Variants in KHDRBS2 observed in about 807,000 individuals in gnomAD.
KHDRBS2 encodes KH domain-containing, RNA-binding, signal transduction-associated protein 2.
KHDRBS2 carries 26 observed loss-of-function variants against 44.3 expected under a neutral mutation model. The observed-to-expected ratio is 0.59, with a 90% confidence interval of 0.43 to 0.81. The LOEUF (loss-of-function observed/expected upper bound fraction) is 0.81. Among genes scored for constraint, KHDRBS2 ranks in the 40% least tolerant of loss-of-function variants. The pLI is 0.00. For synonymous variants in KHDRBS2, 194 were observed against 151.1 expected (o/e 1.28, Z -2.08); for missense variants, 476 against 433.1 (o/e 1.10, Z -0.88).
intron 4 of KHDRBS2, among the ~76,000 whole-genome samples, chr6:61,922,753 C>A (rs1174817546): frequency 6.6e-6 from 1 of 152,044 alleles, no homozygotes; most frequent in Non-Finnish European, 1.5e-5. Flanking sequence ...TCAGTCTTGC[C>A]TTTAAAAAGT....
chr6:61,879,323 T>G (rs1352257117), intron 6 of KHDRBS2, among the ~76,000 whole-genome samples: 1 of 151,922 alleles, frequency 6.6e-6, no homozygotes, highest in Admixed American at 6.6e-5. Context: ...CTCTCACAAA[T>G]TATATTCTGC....
chr6:62,231,930 T>C (rs771780431), intron 1 of KHDRBS2, among the ~76,000 whole-genome samples: 1 of 152,162 alleles, frequency 6.6e-6, no homozygotes, highest in Non-Finnish European at 1.5e-5. Context: ...AAAATATTTC[T>C]TATAAACATC....
chr6:62,220,614 T>C (rs534255721), intron 1 of KHDRBS2, among the ~76,000 whole-genome samples: 1 of 151,920 alleles, frequency 6.6e-6, no homozygotes, highest in South Asian at 2.1e-4. Flanking sequence ...GAATTAACAA[T>C]TAACATTAGA....
intron 1 of KHDRBS2, among the ~76,000 whole-genome samples, chr6:62,222,963 C>T (rs1051424560): frequency 2.0e-5 from 3 of 152,150 alleles, no homozygotes; most frequent in Non-Finnish European, 4.4e-5. Flanking sequence ...ACACACGGTG[C>T]AAGCTGTCAG....
intron 6 of KHDRBS2, among the ~76,000 whole-genome samples, chr6:61,808,459 T>C (rs1787538441): frequency 2.6e-5 from 4 of 152,256 alleles, no homozygotes; most frequent in African/African-American, 9.6e-5. Flanking sequence ...TAGAAGTCAG[T>C]GTAATTACAA....
chr6:62,174,711 C>T (rs1820742532), intron 2 of KHDRBS2, among the ~76,000 whole-genome samples: 1 of 151,692 alleles, frequency 6.6e-6, no homozygotes, highest in African/African-American at 2.4e-5. Flanking sequence ...ACTGTGTCAT[C>T]ATCACATTAA....
At chr6:61,797,227 G>A (rs557025609) in intron 6 of KHDRBS2, among the ~76,000 whole-genome samples, 1 of 152,140 alleles carries the variant, frequency 6.6e-6, no homozygotes, top group South Asian at 2.1e-4. Flanking sequence ...ATTGAGTGAA[G>A]GGGAAATGCT....
rs192809197 is a variant in KHDRBS2 at position 62,201,377 on chromosome 6, A to G, written c.92-24065T>C. ...ATTTGAAAGGCATTTTGAAAGTTGT[A>G]AGAAGGGGCTGTGAATCATTTAACA... On this transcript the variant is annotated intron_variant, in intron 1 of 8. Transcript: ENST00000281156. Among the ~76,000 whole-genome samples the G allele has an allele frequency of 1.7e-3, 252 of 152,254 alleles. 1 individual carries two copies. Among genetic ancestry groups the G allele is most frequent in the Non-Finnish European group, 2.0e-3 (138 of 68,014 alleles).
chr6:61,823,682 T>G (rs1481029796), intron 6 of KHDRBS2, among the ~76,000 whole-genome samples: 1 of 152,126 alleles, frequency 6.6e-6, no homozygotes, highest in Non-Finnish European at 1.5e-5. Context: ...AATGTTGGGA[T>G]GTATTGACGA....
Position 62,131,897 on chromosome 6 carries a change from G to A in KHDRBS2, c.219+45288C>T, listed in dbSNP as rs79082728. Among the ~76,000 whole-genome samples the A allele has an allele frequency of 6.7e-3, 1,021 of 152,288 alleles. 5 individuals carry two copies. The highest frequency in any genetic ancestry group is 0.012 in the Non-Finnish European group (791 of 68,014). On this transcript the variant is annotated intron_variant, in intron 2 of 8. Transcript: ENST00000281156. ...TTTTTTGTTGGGATGTGTTCTGAAT[G>A]AGTATGTGAAAGGTTCTAACAATAT...
the KHDRBS2 span, among the ~76,000 whole-genome samples, chr6:61,641,698 C>T: frequency 1.3e-5 from 2 of 152,262 alleles, no homozygotes; most frequent in South Asian, 2.1e-4. Context: ...CACAACTGAT[C>T]TGTTTCATCT....
chr6:62,012,761 C>T (rs1270512033), intron 3 of KHDRBS2, among the ~76,000 whole-genome samples: 2 of 152,142 alleles, frequency 1.3e-5, no homozygotes, highest in East Asian at 3.9e-4. Context: ...TTCTTGACTA[C>T]TCTAACTACA....
chr6:61,962,578 T>C (rs1562536839), intron 4 of KHDRBS2, among the ~76,000 whole-genome samples: 1 of 152,110 alleles, frequency 6.6e-6, no homozygotes, highest in Non-Finnish European at 1.5e-5. Flanking sequence ...GAAGATCCAC[T>C]AACTTTTTCA....
the KHDRBS2 span, among the ~76,000 whole-genome samples, chr6:61,586,310 C>T: frequency 6.6e-6 from 1 of 152,132 alleles, no homozygotes; most frequent in Non-Finnish European, 1.5e-5. Flanking sequence ...CAGAACATTG[C>T]CCCTTTAGTG....
chr6:62,243,218 C>G (rs756766699), intron 1 of KHDRBS2, among the ~76,000 whole-genome samples: 8 of 151,936 alleles, frequency 5.3e-5, no homozygotes, highest in African/African-American at 1.2e-4. Flanking sequence ...ATGTATGTAT[C>G]TATCTATCTA....
intron 2 of KHDRBS2, among the ~76,000 whole-genome samples, chr6:62,176,131 A>G (rs1821043149): frequency 6.6e-6 from 1 of 151,376 alleles, no homozygotes; most frequent in African/African-American, 2.4e-5. Context: ...ACTACTATGC[A>G]AATTTTTCAT....
At chr6:61,928,235 G>A (rs1161108880) in intron 4 of KHDRBS2, among the ~76,000 whole-genome samples, 2 of 152,048 alleles carry the variant, frequency 1.3e-5, no homozygotes, top group African/African-American at 2.4e-5. Context: ...AACAATTCTT[G>A]TTGGCTTCTG....
chr6:62,126,152 C>T (rs963250410), intron 2 of KHDRBS2, among the ~76,000 whole-genome samples: 1 of 152,112 alleles, frequency 6.6e-6, no homozygotes, highest in South Asian at 2.1e-4. Flanking sequence ...CAGCATTTAC[C>T]ACAAGCTGAC....
At chr6:62,278,264 A>T (rs1841290611) in intron 1 of KHDRBS2, among the ~76,000 whole-genome samples, 1 of 152,218 alleles carries the variant, frequency 6.6e-6, no homozygotes, top group Non-Finnish European at 1.5e-5. Flanking sequence ...GCAAAAGGAA[A>T]GCTGATGATA....
Sources: allele counts gnomAD v4.1 joint callset (sites outside exome capture counted in the v4.1 genomes callset), GRCh38; gene constraint gnomAD v4.1.1; transcripts MANE v1.5; gene names NCBI Gene and HGNC (gene_info 2026-07-23, HGNC 2026-07-21).